The following DTNA variants were observed in gnomAD, a reference collection of about 807,000 sequenced individuals.
DTNA encodes the protein dystrophin-related protein 3.
A neutral mutation model predicts 100.7 loss-of-function variants in DTNA; 43 were observed. That is an observed-to-expected ratio of 0.43 (90% CI 0.33 to 0.55). The LOEUF is 0.55. DTNA is among the 20% of genes least tolerant of loss of function. DTNA has a pLI of 0.04. For synonymous variants in DTNA, 349 were observed against 347.9 expected, an observed-to-expected ratio of 1.00 and a Z score of -0.04; for missense variants, 798 against 953.9, an observed-to-expected ratio of 0.84 and a Z score of 2.15.
chr18:34,849,763 C>G (rs923115622), intron 14 of DTNA, among the ~76,000 whole-genome samples: 17 of 152,338 alleles, frequency 1.1e-4, no homozygotes, highest in Non-Finnish European at 2.2e-4. Context: ...GATGCATGTT[C>G]CTTCTGACAG....
At chr18:34,848,520 T>C (rs2096420440) in intron 14 of DTNA, 137 bp downstream of exon 14, 3 of 1,007,586 alleles carry the variant, frequency 3.0e-6, no homozygotes, top group South Asian at 1.4e-5. Context: ...TGTTTGTTGC[T>C]AAGTTTGTGG....
intron 1 of DTNA, among the ~76,000 whole-genome samples, chr18:34,547,520 A>C (rs1249521477): frequency 1.3e-5 from 2 of 152,144 alleles, no homozygotes; most frequent in African/African-American, 4.8e-5. Context: ...ACCTGTGTGC[A>C]TAAGGCCTAA....
chr18:34,583,101 T>G (rs1365993237), intron 1 of DTNA, among the ~76,000 whole-genome samples: 1 of 152,222 alleles, frequency 6.6e-6, no homozygotes, highest in Non-Finnish European at 1.5e-5. Flanking sequence ...AAGGAATTAT[T>G]TATAATTATA....
At chr18:34,582,906 A>G (rs1233308615) in intron 1 of DTNA, among the ~76,000 whole-genome samples, 2 of 152,194 alleles carry the variant, frequency 1.3e-5, no homozygotes, top group Non-Finnish European at 2.9e-5. Context: ...CATCATGACA[A>G]CTTGAAAGGG....
intron 22 of DTNA, among the ~76,000 whole-genome samples, chr18:34,886,220 A>C (rs550408333): frequency 6.6e-6 from 1 of 152,350 alleles, no homozygotes; most frequent in South Asian, 2.1e-4. Flanking sequence ...CTCAGTCCTC[A>C]GGTTAAAATT....
In DTNA at chr18:34,667,738, G is replaced by A. The variant is rs534708238; in HGVS notation, c.-1-88238G>A. Among the ~76,000 whole-genome samples, 32 of 152,196 alleles carry A rather than the reference G, an allele frequency of 2.1e-4. No homozygotes were observed. In the South Asian group the frequency reaches 4.4e-3, roughly 21 times the overall value. Reference sequence around the variant, plus strand: ...TGCTGGATTATGTTTATTGATTTGCGTATGTTGAACCAGCCTTGCATCCCA... The same window carrying A: ...TGCTGGATTATGTTTATTGATTTGCATATGTTGAACCAGCCTTGCATCCCA... On this transcript the variant is annotated intron_variant, in intron 1 of 19. Coordinates refer to the DTNA transcript ENST00000283365.
intron 1 of DTNA, among the ~76,000 whole-genome samples, chr18:34,521,713 G>A (rs2042165659): frequency 1.3e-5 from 2 of 152,056 alleles, no homozygotes; most frequent in South Asian, 2.1e-4. Flanking sequence ...CCACATCTCC[G>A]CGGCTTACTC....
At chr18:34,526,400 G>A (rs371302222) in intron 1 of DTNA, among the ~76,000 whole-genome samples, 6 of 152,138 alleles carry the variant, frequency 3.9e-5, no homozygotes, top group East Asian at 1.9e-4. Context: ...TCTCAATTGC[G>A]TGCTTTTGGG....
intron 2 of DTNA, among the ~76,000 whole-genome samples, chr18:34,758,877 G>T (rs9963213): frequency 1 from 151,599 of 152,308 alleles, 75,454 homozygotes; most frequent in Middle Eastern, 1. Context: ...TAAGAAAAAT[G>T]GATAAGAAAG....
At chr18:34,711,873 A>G (rs897141264) in intron 1 of DTNA, among the ~76,000 whole-genome samples, 4 of 152,318 alleles carry the variant, frequency 2.6e-5, no homozygotes, top group Middle Eastern at 3.4e-3. Flanking sequence ...GTACTATAAT[A>G]GCATCTAATA....
chr18:34,690,476 C>G, intron 1 of DTNA, among the ~76,000 whole-genome samples: 1 of 152,178 alleles, frequency 6.6e-6, no homozygotes, highest in Non-Finnish European at 1.5e-5. Flanking sequence ...ACTGTCTAAC[C>G]AGTCCCATTG....
intron 18 of DTNA, 138 bp downstream of exon 18, chr18:34,875,536 G>C (rs1261242250): frequency 7.6e-7 from 1 of 1,319,640 alleles, no homozygotes; most frequent in Non-Finnish European, 1.1e-6. Flanking sequence ...AGCCTGGCCT[G>C]CCAGCCATTT....
In DTNA at chr18:34,713,536, C is replaced by A. The variant is rs529288958; in HGVS notation, c.-2+3091C>A. 8.6e-5 allele frequency among the ~76,000 whole-genome samples: 13 copies of A among 151,774 alleles called. No individual in the cohort carries two copies. The East Asian group carries it at 2.5e-3, about 29-fold the overall frequency. Reference sequence around the variant, plus strand: ...TACCATGCTGTTTTGGTTACTGTAGCCTTGTAGTATAGTTTGAAGTCAGGT... The same window carrying A: ...TACCATGCTGTTTTGGTTACTGTAGACTTGTAGTATAGTTTGAAGTCAGGT... On this transcript the variant is annotated intron_variant, in intron 1 of 22. Coordinates refer to ENST00000444659, the MANE Select transcript of DTNA (RefSeq NM_001386795.1).
chr18:34,502,430 A>G (rs1473189828), intron 1 of DTNA, among the ~76,000 whole-genome samples: 2 of 152,014 alleles, frequency 1.3e-5, no homozygotes, highest in Non-Finnish European at 2.9e-5. Flanking sequence ...CTTTTTCTAT[A>G]TTCTTGACAG....
intron 16 of DTNA, among the ~76,000 whole-genome samples, chr18:34,860,203 C>T (rs536852383): frequency 1.8e-4 from 27 of 149,732 alleles, no homozygotes; most frequent in Non-Finnish European, 3.4e-4. Flanking sequence ...CGTGCCACCA[C>T]GCCCGGCTAA....
rs34072179 is a variant in DTNA, at chr18:34,693,746, C to CTGTGTGTGTG, written c.-1-62200_-1-62191dup. ...CATCCTGCTTGTCATCTTGTGTGCACTGTGTGTGTGTGTGTGTGTGTGTGT... is the reference window on the plus strand; with the variant it reads ...CATCCTGCTTGTCATCTTGTGTGCACTGTGTGTGTGTGTGTGTGTGTGTGTGTGTGTGTGT... On this transcript the variant is annotated intron_variant, in intron 1 of 19. Transcript: ENST00000283365. Among the ~76,000 whole-genome samples the CTGTGTGTGTG allele has an allele frequency of 2.2e-3, 314 of 143,186 alleles. 2 individuals are homozygous for CTGTGTGTGTG. The highest frequency in any genetic ancestry group is 7.2e-3 in the African/African-American group (279 of 38,834). The allele number at this position is 143,186 out of a possible 152,430, so 93.9% of individuals were successfully genotyped here.
intron 3 of DTNA, among the ~76,000 whole-genome samples, chr18:34,768,985 G>C (rs1385317636): frequency 6.6e-6 from 1 of 152,108 alleles, no homozygotes; most frequent in African/African-American, 2.4e-5. Flanking sequence ...TCCTAGAGAA[G>C]GAGATATCAG....
intron 1 of DTNA, among the ~76,000 whole-genome samples, chr18:34,643,626 G>A (rs114166834): frequency 2.0e-5 from 3 of 152,142 alleles, no homozygotes; most frequent in Non-Finnish European, 4.4e-5. Context: ...CCAAGATCCA[G>A]TTTCCTTGTC....
intron 1 of DTNA, among the ~76,000 whole-genome samples, chr18:34,555,440 C>T: frequency 6.6e-6 from 1 of 151,674 alleles, no homozygotes; most frequent in East Asian, 1.9e-4. Context: ...TTTGCTCTTG[C>T]TTTTCTAGTT....
Sources: allele counts gnomAD v4.1 joint callset (sites outside exome capture counted in the v4.1 genomes callset), GRCh38; gene constraint gnomAD v4.1.1; transcripts MANE v1.5; gene names NCBI Gene and HGNC (gene_info 2026-07-23, HGNC 2026-07-21).